The following MTOR variants were observed in gnomAD, a reference collection of about 807,000 sequenced individuals.
MTOR encodes the protein serine/threonine-protein kinase mTOR.
In MTOR, 70 loss-of-function variants were observed where a neutral mutation model predicts 319.8. The observed-to-expected ratio is 0.22, with a 90% CI of 0.18 to 0.27. MTOR has a LOEUF of 0.27. Among genes scored for constraint, MTOR ranks in the 10% least tolerant of loss-of-function variants. MTOR has a pLI of 1.00. For missense variants in MTOR, 1,890 were observed against 3,274.4 expected (o/e 0.58, Z 10.32); for synonymous variants, 1,183 against 1,211.4 (o/e 0.98, Z 0.49).
intron 12 of MTOR, 89 bp downstream of exon 12, chr1:11,238,313 T>G (rs1254803558): frequency 5.8e-6 from 8 of 1,374,512 alleles, no homozygotes; most frequent in African/African-American, 1.4e-5. Context: ...GCCGAAGAAC[T>G]CTAGAGAGGC....
At chr1:11,110,759 G>A (rs992729376) in intron 54 of MTOR, among the ~76,000 whole-genome samples, 1 of 152,086 alleles carries the variant, frequency 6.6e-6, no homozygotes, top group African/African-American at 2.4e-5. Flanking sequence ...GTCTTGCTGT[G>A]TTGCCCAGGC....
At chr1:11,130,880 CTG>C in intron 38 of MTOR, 103 bp from the exon 39 acceptor site, 1 of 1,417,322 alleles carries the variant, frequency 7.1e-7, no homozygotes, top group South Asian at 1.4e-5. Flanking sequence ...CCTGCCTGTT[CTG>C]TGTGTCCATA....
chr1:11,243,680 C>T (rs1160974701), intron 8 of MTOR, among the ~76,000 whole-genome samples: 4 of 149,766 alleles, frequency 2.7e-5, no homozygotes, highest in Admixed American at 2.7e-4. Flanking sequence ...TGACAAAGAG[C>T]CTGTCTCAAA....
At chr1:11,146,939 C>T (rs751237312) in intron 31 of MTOR, 148 bp from the exon 32 acceptor site, 3 of 623,310 alleles carry the variant, frequency 4.8e-6, no homozygotes, top group Non-Finnish European at 8.6e-6. Context: ...TACCAAAATC[C>T]TGCAGAGCCC....
intron 4 of MTOR, chr1:11,256,409 G>A (rs1650407498): frequency 1.2e-6 from 1 of 820,400 alleles, no homozygotes; most frequent in African/African-American, 1.9e-5. Context: ...CAGAATGCTT[G>A]TAATGTTTGA....
At position 11,128,991 on chromosome 1, in the gene MTOR, C is replaced by T; in HGVS notation, c.5715-40G>A. On this transcript the variant is annotated intron_variant, in intron 40 of 57. Transcript: ENST00000361445. The surrounding 1 kb of genome is among the most constrained non-coding windows in gnomAD (Gnocchi z 5.3). ...AGAAAGTCACAGAAAATTTAGTTTC[C>T]CAGTTTTTGCCTGCCTGTTTTTCAT... The T allele has an allele frequency of 6.5e-7, 1 of 1,545,960 alleles. No individual in the cohort carries two copies. Among genetic ancestry groups the T allele is most frequent in the East Asian group, 2.3e-5 (1 of 44,136 alleles).
chr1:11,238,305 C>G, intron 12 of MTOR, 97 bp downstream of exon 12: 1 of 1,309,954 alleles, frequency 7.6e-7, no homozygotes, highest in Non-Finnish European at 1.1e-6. Flanking sequence ...CTTTTTGAGC[C>G]GAAGAACTCT....
In MTOR at chr1:11,144,633, T is replaced by G. The variant is rs1172315584; in HGVS notation, c.4872+15A>C. 1 of 1,613,238 alleles carries G rather than the reference T, an allele frequency of 6.2e-7. No homozygotes were observed. Among genetic ancestry groups the G allele is most frequent in the South Asian group, 1.1e-5 (1 of 91,042 alleles). ...AGGGGTAGGTGGGTGAACTGGGGCT[T>G]TCTACCAAGCTCACCTGCAGTCTCT... On this transcript the variant is annotated intron_variant, in intron 34 of 57. Transcript: ENST00000361445.
chr1:11,128,578 T>G lies in MTOR; in HGVS notation c.5812-26A>C. On this transcript the variant is annotated intron_variant, in intron 41 of 57. Coordinates refer to ENST00000361445, the MANE Select transcript of MTOR (RefSeq NM_004958.4). The surrounding 1 kb of genome is among the most constrained non-coding windows in gnomAD (Gnocchi z 5.3). ...CTGGTATTCAAAAAGACACAGTATG[T>G]AGCATATGAGACTTGAAACAACTAG... 1 of 1,597,958 alleles carries G rather than the reference T, an allele frequency of 6.3e-7. No individual in the cohort carries two copies.
At chr1:11,123,523 T>A (rs963068387) in intron 47 of MTOR, among the ~76,000 whole-genome samples, 2 of 151,688 alleles carry the variant, frequency 1.3e-5, no homozygotes, top group Non-Finnish European at 2.9e-5. Flanking sequence ...GGCTAGAGTG[T>A]AGAGGCACAA....
intron 28 of MTOR, chr1:11,193,876 G>A: frequency 8.5e-7 from 1 of 1,179,474 alleles, no homozygotes; most frequent in Non-Finnish European, 1.2e-6. Context: ...AGACAAATCT[G>A]TATATTCATT....
intron 54 of MTOR, 148 bp downstream of exon 54, chr1:11,112,704 A>G (rs1177454485): frequency 1.3e-6 from 1 of 786,516 alleles, no homozygotes; most frequent in Non-Finnish European, 2.1e-6. Context: ...CACTGACTGA[A>G]GCCCACCCCA....
intron 30 of MTOR, among the ~76,000 whole-genome samples, chr1:11,153,717 T>C (rs941914315): frequency 6.6e-6 from 1 of 151,914 alleles, no homozygotes; most frequent in African/African-American, 2.4e-5. Context: ...ATGTGGCTAC[T>C]GAACACCTAA....
At chr1:11,147,587 C>T (rs1041518727) in intron 31 of MTOR, among the ~76,000 whole-genome samples, 3 of 152,208 alleles carry the variant, frequency 2.0e-5, no homozygotes, top group Non-Finnish European at 2.9e-5. Flanking sequence ...CTCTATGCCT[C>T]TGGGCACAAG....
intron 26 of MTOR, among the ~76,000 whole-genome samples, chr1:11,203,103 C>T (rs1296087446): frequency 9.9e-5 from 15 of 151,672 alleles, no homozygotes; most frequent in Non-Finnish European, 5.9e-5. Flanking sequence ...CTCCCAGCTA[C>T]TCGGGAGGCT....
Position 11,232,321 on chromosome 1 carries a change from T to C in MTOR, c.2514+115A>G, listed in dbSNP as rs563149927. 3.6e-5 allele frequency: 23 copies of C among 643,510 alleles called. No homozygotes were observed. In the South Asian group the frequency reaches 4.0e-4, roughly 11 times the overall value. 39.9% of individuals were successfully genotyped at this position (643,510 alleles called of 1,614,324 possible). On this transcript the variant is annotated intron_variant, in intron 16 of 57. Transcript: ENST00000361445. ...TCAACAAATATTTTTGAGCACCTAC[T>C]ATGTGTCACACTCTGTTCTAGGCAC...
rs534029256 is a variant in MTOR, at chr1:11,135,599, C to T, written c.5131-1133G>A. On this transcript the variant is annotated intron_variant, in intron 36 of 57. Transcript: ENST00000361445. ...CTGTAATCCCAGCACTTTAGGAGGC[C>T]GAGGCGGGTGGATCACCTGAGGTCA... Among the ~76,000 whole-genome samples the T allele has an allele frequency of 6.0e-4, 91 of 152,200 alleles. 1 individual carries two copies. The highest frequency in any genetic ancestry group is 2.0e-3 in the African/African-American group (83 of 41,534).
intron 25 of MTOR, among the ~76,000 whole-genome samples, chr1:11,206,961 A>G (rs1170003615): frequency 6.6e-6 from 1 of 152,236 alleles, no homozygotes; most frequent in African/African-American, 2.4e-5. Flanking sequence ...TTATCATAAC[A>G]AATAAAATGG....
chr1:11,190,161 T>A (rs1041076734), intron 28 of MTOR, among the ~76,000 whole-genome samples: 3 of 152,222 alleles, frequency 2.0e-5, no homozygotes, highest in African/African-American at 7.2e-5. Flanking sequence ...ATCCACACAG[T>A]GTTTCAGCCT....
Sources: allele counts gnomAD v4.1 joint callset (sites outside exome capture counted in the v4.1 genomes callset), GRCh38; gene constraint gnomAD v4.1.1; non-coding constraint Gnocchi (gnomAD v3.1); transcripts MANE v1.5; gene names NCBI Gene and HGNC (gene_info 2026-07-23, HGNC 2026-07-21).